The following IL33 variants were observed in gnomAD, a reference collection of about 807,000 sequenced individuals.
The protein encoded by IL33 is interleukin 33, also known as interleukin-33.
In IL33, 37 loss-of-function variants were observed where a neutral mutation model predicts 27.3. That is an observed-to-expected ratio of 1.36 (90% CI 1.04 to 1.78). The LOEUF is 1.78. Among genes scored for constraint, IL33 ranks in the 40% most tolerant of loss-of-function variants. The pLI, the probability that IL33 is intolerant of heterozygous loss-of-function variation, is 0.00. For missense variants in IL33, 406 were observed against 311.4 expected (o/e 1.30, Z -2.29); for synonymous variants, 132 against 102.9 (o/e 1.28, Z -1.71).
chr9:6,256,063 T>C lies in IL33; in HGVS notation c.708T>C (p.Pro236=), dbSNP rs1564077938. ...NCVSFECKTD[P]GVFIGVKDNH... ...TTTCATTTGAATGCAAGACTGATCC[T>C]GGAGTGTTTATAGGTGTAAAGGATA... The change falls in exon 8 of 8, where the codon CCT becomes CCC. Residue 236 remains proline, a synonymous_variant. Transcript: ENST00000682010. 1 of 1,613,286 alleles carries C rather than the reference T, an allele frequency of 6.2e-7. No homozygotes were observed.
Position 6,251,143 on chromosome 9 carries a change from G to C in IL33, c.221G>C (p.Arg74Thr), listed in dbSNP as rs1424458124. The C allele has an allele frequency of 1.2e-6, 2 of 1,613,516 alleles. No homozygotes were observed. Among genetic ancestry groups the C allele is most frequent in the African/African-American group, 2.7e-5 (2 of 74,894 alleles). Residue 74 changes from arginine (R) to threonine (T), a missense_variant, in exon 4 of 8, where the codon AGA becomes ACA. Transcript: ENST00000682010. Reference sequence around the variant, plus strand: ...CCTAATCCCATCCGGTCTGCAGGTAGAAAGCACAAAAGACATCTGGTACTC... The same window carrying C: ...CCTAATCCCATCCGGTCTGCAGGTACAAAGCACAAAAGACATCTGGTACTC... ...TTKRPSLKTG[R>T]KHKRHLVLAA...
chr9:6,232,854 C>T (rs1818990113), intron 1 of IL33, among the ~76,000 whole-genome samples: 2 of 152,296 alleles, frequency 1.3e-5, no homozygotes, highest in South Asian at 4.1e-4. Context: ...CAAAAAATCT[C>T]ATTCTGACCA....
At chr9:6,236,501 T>A (rs4237164) in intron 1 of IL33, among the ~76,000 whole-genome samples, 1 of 151,978 alleles carries the variant, frequency 6.6e-6, no homozygotes, top group Non-Finnish European at 1.5e-5. Context: ...TGTTATGCAA[T>A]AAACACTGCC....
At chr9:6,235,173 T>A (rs1819130212) in intron 1 of IL33, among the ~76,000 whole-genome samples, 1 of 152,156 alleles carries the variant, frequency 6.6e-6, no homozygotes, top group Admixed American at 6.6e-5. Context: ...CCCAAGTAGC[T>A]AAGACTGCAC....
intron 1 of IL33, among the ~76,000 whole-genome samples, chr9:6,232,381 C>G (rs949136307): frequency 2.0e-5 from 3 of 152,102 alleles, no homozygotes; most frequent in African/African-American, 7.2e-5. Flanking sequence ...AGGTGAATGA[C>G]CAACTAATAA....
intron 2 of IL33, among the ~76,000 whole-genome samples, chr9:6,246,063 CAAAAAAAAAAAAAAAAAAAA>C (rs71328183): frequency 1.4e-3 from 68 of 49,612 alleles, no homozygotes; most frequent in African/African-American, 5.4e-3. Flanking sequence ...ACTCTGTCTC[CAAAAAAAAAAAAAAAAAAAA>C]AAAAAAAAAA....
chr9:6,223,752 G>C (rs545593960), intron 1 of IL33, among the ~76,000 whole-genome samples: 1 of 152,132 alleles, frequency 6.6e-6, no homozygotes, highest in Non-Finnish European at 1.5e-5. Context: ...TGCAACTGGG[G>C]AACACAGAAC....
upstream of IL33, among the ~76,000 whole-genome samples, chr9:6,215,406 G>A (rs1023585612): frequency 1.3e-5 from 2 of 152,292 alleles, no homozygotes; most frequent in African/African-American, 4.8e-5. Context: ...GCCAAAGGGG[G>A]TCGCAAATTT....
chr9:6,227,497 T>C (rs1360690086), intron 1 of IL33, among the ~76,000 whole-genome samples: 1 of 152,210 alleles, frequency 6.6e-6, no homozygotes, highest in South Asian at 2.1e-4. Context: ...TAAATAACTT[T>C]ATAATGAGTA....
At chr9:6,246,444 C>G (rs1819863181) in intron 2 of IL33, among the ~76,000 whole-genome samples, 3 of 152,096 alleles carry the variant, frequency 2.0e-5, no homozygotes, top group Admixed American at 1.3e-4. Context: ...CGCCTGTAGT[C>G]CCAGCTACTC....
intron 1 of IL33, among the ~76,000 whole-genome samples, chr9:6,217,438 A>G (rs534982318): frequency 3.3e-5 from 5 of 152,218 alleles, no homozygotes; most frequent in Non-Finnish European, 7.3e-5. Context: ...TCCCAAAGTT[A>G]GCTTGGCCCA....
At chr9:6,246,293 G>A (rs1479653639) in intron 2 of IL33, among the ~76,000 whole-genome samples, 4 of 152,106 alleles carry the variant, frequency 2.6e-5, no homozygotes, top group Non-Finnish European at 4.4e-5. Flanking sequence ...GCTGGGTGCG[G>A]TGGCTTATGC....
intron 1 of IL33, among the ~76,000 whole-genome samples, chr9:6,219,579 A>T (rs1167012586): frequency 1.3e-5 from 2 of 152,194 alleles, no homozygotes; most frequent in African/African-American, 4.8e-5. Flanking sequence ...TCCATCATTG[A>T]CCAGCTGTGT....
intron 1 of IL33, among the ~76,000 whole-genome samples, chr9:6,231,697 T>C (rs1263386437): frequency 6.6e-6 from 1 of 152,178 alleles, no homozygotes; most frequent in African/African-American, 2.4e-5. Flanking sequence ...AGCCCAGTAC[T>C]AGAAGTAGTA....
At chr9:6,249,945 TAA>T (rs1816240103) in intron 2 of IL33, among the ~76,000 whole-genome samples, 3 of 152,164 alleles carry the variant, frequency 2.0e-5, no homozygotes, top group Non-Finnish European at 4.4e-5. Context: ...CCAAAATTAT[TAA>T]AAGTGTTCTA....
intron 1 of IL33, among the ~76,000 whole-genome samples, chr9:6,239,143 T>C (rs1564061423): frequency 1.3e-5 from 2 of 152,142 alleles, no homozygotes; most frequent in South Asian, 2.1e-4. Flanking sequence ...GCCGCAAACA[T>C]AGAAAAGGAA....
At chr9:6,252,251 T>A (rs1816438745) in intron 4 of IL33, among the ~76,000 whole-genome samples, 1 of 152,112 alleles carries the variant, frequency 6.6e-6, no homozygotes, top group South Asian at 2.1e-4. Context: ...AACATTCTCC[T>A]TAATATTTTG....
At chr9:6,234,785 T>C (rs1819102024) in intron 1 of IL33, among the ~76,000 whole-genome samples, 1 of 152,196 alleles carries the variant, frequency 6.6e-6, no homozygotes, top group Admixed American at 6.5e-5. Flanking sequence ...CTTCAGATGG[T>C]GCTTCACACA....
intron 1 of IL33, among the ~76,000 whole-genome samples, chr9:6,239,554 A>C (rs916376491): frequency 6.6e-6 from 1 of 152,076 alleles, no homozygotes; most frequent in African/African-American, 2.4e-5. Context: ...TAGCTCATTT[A>C]TAAAAACCCT....
Sources: allele counts gnomAD v4.1 joint callset (sites outside exome capture counted in the v4.1 genomes callset), GRCh38; gene constraint gnomAD v4.1.1; transcripts MANE v1.5; gene names NCBI Gene and HGNC (gene_info 2026-07-23, HGNC 2026-07-21).